Variants in TCP11L1 observed in about 807,000 individuals in gnomAD.
TCP11L1 encodes t-complex 11 like 1.
A neutral mutation model predicts 48.9 loss-of-function variants in TCP11L1; 28 were observed. The observed-to-expected ratio is 0.57, with a 90% CI of 0.42 to 0.78. TCP11L1 has a LOEUF of 0.78. TCP11L1 is among the 30% of genes least tolerant of loss of function. TCP11L1 has a pLI of 0.00. For synonymous variants in TCP11L1, 204 were observed against 231.9 expected (o/e 0.88, Z 1.09); for missense variants, 505 against 613.4 (o/e 0.82, Z 1.87).
intron 1 of TCP11L1, among the ~76,000 whole-genome samples, chr11:33,043,330 T>G (rs1348373543): frequency 6.6e-6 from 1 of 152,230 alleles, no homozygotes; most frequent in Admixed American, 6.5e-5. Context: ...TATTCACTTG[T>G]AAGCCCAATT....
intron 8 of TCP11L1, among the ~76,000 whole-genome samples, chr11:33,067,697 G>C (rs1176908896): frequency 6.6e-6 from 1 of 152,130 alleles, no homozygotes; most frequent in Non-Finnish European, 1.5e-5. Context: ...GGTGCCAATG[G>C]TGAGTGCCAG....
At chr11:33,047,487 A>G (rs928634387) in intron 2 of TCP11L1, among the ~76,000 whole-genome samples, 2 of 152,242 alleles carry the variant, frequency 1.3e-5, no homozygotes, top group Admixed American at 6.5e-5. Context: ...AAAAGATGCT[A>G]TATTCAGATG....
At chr11:33,065,474 G>C (rs1253957350) in intron 7 of TCP11L1, among the ~76,000 whole-genome samples, 1 of 148,144 alleles carries the variant, frequency 6.8e-6, no homozygotes, top group East Asian at 2.1e-4. Context: ...TGTTGGTCAG[G>C]CTGGTCTTGA....
intron 2 of TCP11L1, among the ~76,000 whole-genome samples, chr11:33,053,918 C>G (rs1011608257): frequency 6.6e-6 from 1 of 152,110 alleles, no homozygotes. Context: ...CAGGTTCAAG[C>G]GATCCTCCAG....
At chr11:33,039,830 G>C (rs1045230233) in intron 1 of TCP11L1, 38 bp downstream of exon 1, 2 of 152,508 alleles carry the variant, frequency 1.3e-5, no homozygotes, top group Non-Finnish European at 2.9e-5. Context: ...GGCGGGGCCC[G>C]TCCGGGAGGC....
intron 6 of TCP11L1, 67 bp downstream of exon 6, chr11:33,059,162 G>C: frequency 6.3e-7 from 1 of 1,575,690 alleles, no homozygotes; most frequent in Non-Finnish European, 8.6e-7. Flanking sequence ...GCCATAGCTT[G>C]TTGCATAATA....
At chr11:33,046,603 A>G (rs1243196610) in intron 2 of TCP11L1, among the ~76,000 whole-genome samples, 1 of 152,250 alleles carries the variant, frequency 6.6e-6, no homozygotes, top group East Asian at 1.9e-4. Context: ...TTTAAAATCA[A>G]TGCCCTAAGG....
At chr11:33,061,870 C>T in intron 7 of TCP11L1, 144 bp downstream of exon 7, 5 of 822,256 alleles carry the variant, frequency 6.1e-6, no homozygotes, top group Non-Finnish European at 8.7e-6. Flanking sequence ...TGCTTGAGGT[C>T]AGGAGTTCAA....
intron 1 of TCP11L1, among the ~76,000 whole-genome samples, chr11:33,043,307 C>T (rs879679962): frequency 2.6e-5 from 4 of 152,144 alleles, no homozygotes; most frequent in Non-Finnish European, 5.9e-5. Context: ...GGAATCAACC[C>T]TTTAGCCCAG....
chr11:33,070,532 G>A (rs1387237781), intron 9 of TCP11L1, among the ~76,000 whole-genome samples: 1 of 151,308 alleles, frequency 6.6e-6, no homozygotes, highest in Non-Finnish European at 1.5e-5. Context: ...CTAAAAATGC[G>A]AAATTAGCCA....
rs779824838 is a variant in TCP11L1 at position 33,068,836 on chromosome 11, A to G, written c.1304A>G (p.Asp435Gly). 5.0e-6 allele frequency: 8 copies of G among 1,613,470 alleles called. No homozygotes were observed. The highest frequency in any genetic ancestry group is 3.3e-5 in the Admixed American group (2 of 59,970). Reference protein sequence around the residue: ...KGQIQAVASPDDPIRRIMESR... With the variant: ...KGQIQAVASPGDPIRRIMESR... ...CAGATCCAGGCCGTGGCCAGTCCCG[A>G]TGACCCCATTCGCAGGATCATGGGT... is the stretch of plus-strand genomic sequence containing the variant. Residue 435 changes from aspartate to glycine, a missense_variant, in exon 9 of 10, where the codon GAT (aspartate) becomes GGT (glycine). Physicochemically the swap from Asp to Gly is moderately conservative, Grantham distance 94. Coordinates refer to ENST00000334274, the MANE Select transcript of TCP11L1 (RefSeq NM_018393.4).
chr11:33,072,796 A>G lies in TCP11L1; in HGVS notation c.*120A>G, dbSNP rs1854835750. ...TGTCTATTTAACAGCACCGATTCCA[A>G]AGGGAAGAATATTGTGTATCACTGT... On this transcript the variant is annotated 3_prime_UTR_variant, in exon 10 of 10. Transcript: ENST00000334274. The G allele has an allele frequency of 2.8e-6, 3 of 1,064,564 alleles. No homozygotes were observed. Among genetic ancestry groups the G allele is most frequent in the Non-Finnish European group, 4.2e-6 (3 of 718,250 alleles). The allele number at this position is 1,064,564 out of a possible 1,614,324, so 65.9% of individuals were successfully genotyped here.
Position 33,073,026 on chromosome 11 carries a change from T to C in TCP11L1, c.*350T>C, listed in dbSNP as rs1854842206. ...CTGGGTAGTTCTTTCAGATGCCTCA[T>C]GCTGAGCTGACGGCCATCCAAGCGC... On this transcript the variant is annotated 3_prime_UTR_variant, in exon 10 of 10. Transcript: ENST00000334274. 6.6e-6 allele frequency: 2 copies of C among 301,330 alleles called. No homozygotes were observed. The highest frequency in any genetic ancestry group is 1.3e-5 in the Non-Finnish European group (2 of 157,876). The allele number at this position is 301,330 out of a possible 1,614,324, so 18.7% of individuals were successfully genotyped here. A position where few individuals can be genotyped will look rare whatever the true frequency, so the allele number is the denominator to read the frequency against.
chr11:33,051,344 T>C (rs1590225449), intron 2 of TCP11L1, among the ~76,000 whole-genome samples: 1 of 152,040 alleles, frequency 6.6e-6, no homozygotes, highest in Non-Finnish European at 1.5e-5. Context: ...ATTTTTTGTA[T>C]TTTTAGTAGA....
At chr11:33,069,943 A>G (rs1648690357) in intron 9 of TCP11L1, among the ~76,000 whole-genome samples, 1 of 152,118 alleles carries the variant, frequency 6.6e-6, no homozygotes, top group South Asian at 2.1e-4. Context: ...GGGAGGCAGG[A>G]AAGTGCCTGT....
chr11:33,062,726 G>T (rs1173779139), intron 7 of TCP11L1, among the ~76,000 whole-genome samples: 1 of 152,170 alleles, frequency 6.6e-6, no homozygotes, highest in African/African-American at 2.4e-5. Flanking sequence ...GAGTCTCTGT[G>T]AATTGGACTA....
chr11:33,068,627 G>C, intron 8 of TCP11L1, 60 bp from the exon 9 acceptor site: 1 of 1,565,096 alleles, frequency 6.4e-7, no homozygotes, highest in Admixed American at 1.7e-5. Context: ...GGTGTGGGCG[G>C]TTGGAGCTGG....
chr11:33,042,990 C>T (rs764325747), intron 1 of TCP11L1, among the ~76,000 whole-genome samples: 7 of 152,148 alleles, frequency 4.6e-5, no homozygotes, highest in African/African-American at 1.4e-4. Context: ...CACTTGAAAC[C>T]GGAAGGTGGA....
chr11:33,057,172 G>A lies in TCP11L1; in HGVS notation c.354G>A (p.Val118=), dbSNP rs774903264. Residue 118 remains valine, a synonymous_variant, in exon 4 of 10, where the codon GTG becomes GTA. Transcript: ENST00000334274. The part of the protein sequence containing the change: ...VHKAFWDCLS[V]QLSEDPPAYD... ...AAGCGTTTTGGGATTGCTTGAGTGT[G>A]CAGCTAAGTGAAGATCCCCCAGCAT... 39 of 1,613,912 alleles carry A rather than the reference G, an allele frequency of 2.4e-5. No individual in the cohort carries two copies. The South Asian group carries it at 4.1e-4, about 17-fold the overall frequency.
Sources: gnomAD v4.1 joint callset for allele counts (sites outside exome capture counted in the v4.1 genomes callset) on GRCh38, gnomAD v4.1.1 for gene constraint, MANE v1.5 for transcripts, NCBI Gene and HGNC (gene_info 2026-07-23, HGNC 2026-07-21) for gene names.